Variants in DENND2A observed in about 807,000 individuals in gnomAD.
DENND2A encodes the protein DENN domain containing 2A, also known as DENN domain-containing protein 2A.
DENND2A carries 53 observed loss-of-function variants against 105.3 expected under a neutral mutation model. The observed-to-expected ratio is 0.50, with a 90% CI of 0.40 to 0.63. The LOEUF is 0.63. Ranked by LOEUF, DENND2A falls within the 30% of genes least tolerant of loss-of-function variation. The pLI is 0.00. For synonymous variants in DENND2A, 522 were observed against 508.4 expected, an observed-to-expected ratio of 1.03 and a Z score of -0.36; for missense variants, 1,138 against 1,279.6, an observed-to-expected ratio of 0.89 and a Z score of 1.69.
chr7:140,539,999 G>A (rs1486057172), intron 14 of DENND2A, among the ~76,000 whole-genome samples: 6 of 152,232 alleles, frequency 3.9e-5, no homozygotes, highest in African/African-American at 9.6e-5. Context: ...GCGGGGCCGC[G>A]TCTTATGAAC....
At chr7:140,560,952 A>G (rs1342898224) in intron 9 of DENND2A, among the ~76,000 whole-genome samples, 1 of 152,148 alleles carries the variant, frequency 6.6e-6, no homozygotes, top group East Asian at 1.9e-4. Context: ...GGACAGGATG[A>G]ATTAATAAAG....
At chr7:140,611,034 A>G (rs1285692974) in intron 1 of DENND2A, among the ~76,000 whole-genome samples, 3 of 152,216 alleles carry the variant, frequency 2.0e-5, no homozygotes, top group Non-Finnish European at 4.4e-5. Context: ...TTCTGATAAC[A>G]GAGCACTGTT....
chr7:140,545,848 G>A (rs974739661), intron 13 of DENND2A, among the ~76,000 whole-genome samples: 1 of 152,158 alleles, frequency 6.6e-6, no homozygotes, highest in Non-Finnish European at 1.5e-5. Flanking sequence ...TTCCTCTCCA[G>A]TAACCTCCCT....
At chr7:140,561,832 G>A (rs899870069) in intron 9 of DENND2A, among the ~76,000 whole-genome samples, 5 of 151,670 alleles carry the variant, frequency 3.3e-5, no homozygotes, top group Admixed American at 6.6e-5. Flanking sequence ...AAATTTTTCT[G>A]TAATAATTTG....
At chr7:140,572,928 T>C (rs945059316) in intron 6 of DENND2A, among the ~76,000 whole-genome samples, 11 of 152,092 alleles carry the variant, frequency 7.2e-5, no homozygotes, top group Admixed American at 1.3e-4. Flanking sequence ...TGAAACTCCA[T>C]GTAAAAGAGG....
chr7:140,543,561 T>A (rs908852044), intron 14 of DENND2A: 1 of 152,192 alleles, frequency 6.6e-6, no homozygotes, highest in Non-Finnish European at 1.5e-5. Context: ...AGATCTCCAG[T>A]CTGAGCTGCC....
chr7:140,603,393 T>A (rs1799589396), intron 2 of DENND2A, among the ~76,000 whole-genome samples: 1 of 152,222 alleles, frequency 6.6e-6, no homozygotes, highest in Non-Finnish European at 1.5e-5. Context: ...AATGACTATT[T>A]AAAAACTAAA....
intron 12 of DENND2A, among the ~76,000 whole-genome samples, chr7:140,554,110 C>T (rs1797261839): frequency 6.6e-6 from 1 of 151,956 alleles, no homozygotes; most frequent in Non-Finnish European, 1.5e-5. Context: ...CCTGTAGTCC[C>T]AGCTACTCAG....
At chr7:140,542,195 A>G (rs1796691506) in intron 14 of DENND2A, among the ~76,000 whole-genome samples, 1 of 152,098 alleles carries the variant, frequency 6.6e-6, no homozygotes, top group Non-Finnish European at 1.5e-5. Flanking sequence ...CCAGTTCCAA[A>G]GCAAAGAAGG....
intron 9 of DENND2A, among the ~76,000 whole-genome samples, chr7:140,565,439 A>T (rs888603020): frequency 6.6e-6 from 1 of 152,212 alleles, no homozygotes; most frequent in African/African-American, 2.4e-5. Context: ...GGCCAAGCAG[A>T]AAATTGCTTG....
chr7:140,577,116 C>G (rs1798329921), intron 5 of DENND2A, among the ~76,000 whole-genome samples: 1 of 152,134 alleles, frequency 6.6e-6, no homozygotes, highest in Non-Finnish European at 1.5e-5. Flanking sequence ...AAATAAGCCA[C>G]CAAATGTTCA....
In DENND2A at chr7:140,542,565, C is replaced by CT. The variant is rs771623397; in HGVS notation, c.2327+2052dup. On this transcript the variant is annotated intron_variant, in intron 14 of 19. Transcript: ENST00000496613. ...CTACTTTGCAGTTCTTTTTCTCTCT[C>CT]TTTTTTTTTTTTTTTTTTTTTTGAG... Among the ~76,000 whole-genome samples, 638 of 111,958 alleles carry CT rather than the reference C, an allele frequency of 5.7e-3. 3 individuals are homozygous for CT. Among genetic ancestry groups the CT allele is most frequent in the Non-Finnish European group, 7.8e-3 (434 of 55,900 alleles). 73.4% of individuals were successfully genotyped at this position (111,958 alleles called of 152,430 possible).
intron 1 of DENND2A, among the ~76,000 whole-genome samples, chr7:140,616,436 C>T (rs10952779): frequency 0.3 from 45,222 of 151,494 alleles, 6,844 homozygotes; most frequent in Middle Eastern, 0.38. Context: ...CTAAGTGAGG[C>T]GGGGAAGTAA....
At chr7:140,603,849 C>T (rs1799604118) in intron 2 of DENND2A, among the ~76,000 whole-genome samples, 2 of 152,104 alleles carry the variant, frequency 1.3e-5, no homozygotes, top group Admixed American at 1.3e-4. Flanking sequence ...TGATGGCTAC[C>T]GTACTGGATG....
intron 5 of DENND2A, among the ~76,000 whole-genome samples, chr7:140,584,003 AG>A (rs2130641031): frequency 6.8e-6 from 1 of 147,594 alleles, no homozygotes; most frequent in African/African-American, 2.6e-5. Flanking sequence ...GCACTTTGGG[AG>A]GCCAAGGCGG....
chr7:140,588,846 G>A (rs531511666), intron 3 of DENND2A, among the ~76,000 whole-genome samples: 81 of 150,734 alleles, frequency 5.4e-4, no homozygotes, highest in African/African-American at 1.9e-3. Context: ...GGGTTCAAGC[G>A]ATTCTCCTGC....
chr7:140,617,156 C>T (rs972149146), intron 1 of DENND2A, among the ~76,000 whole-genome samples: 4 of 152,210 alleles, frequency 2.6e-5, no homozygotes, highest in Non-Finnish European at 5.9e-5. Flanking sequence ...CTGTGCACAG[C>T]CTGTAAGGCA....
chr7:140,626,078 G>C (rs1800513673), intron 1 of DENND2A, among the ~76,000 whole-genome samples: 1 of 152,178 alleles, frequency 6.6e-6, no homozygotes, highest in African/African-American at 2.4e-5. Flanking sequence ...AGGCTGCGTG[G>C]GTGCTGAATG....
At chr7:140,623,718 T>C (rs1220956675) in intron 1 of DENND2A, among the ~76,000 whole-genome samples, 2 of 94,502 alleles carry the variant, frequency 2.1e-5, no homozygotes, top group Non-Finnish European at 4.3e-5. Flanking sequence ...AGACTCCGTC[T>C]AGAAAAAAAA....
Sources: gnomAD v4.1 joint callset for allele counts (sites outside exome capture counted in the v4.1 genomes callset) on GRCh38, gnomAD v4.1.1 for gene constraint, MANE v1.5 for transcripts, NCBI Gene and HGNC (gene_info 2026-07-23, HGNC 2026-07-21) for gene names.